Variants in PTPRQ observed in about 807,000 individuals in gnomAD.
The protein encoded by PTPRQ is protein tyrosine phosphatase receptor type Q.
PTPRQ carries 199 observed loss-of-function variants against 246.0 expected under a neutral mutation model. The observed-to-expected ratio is 0.81, with a 90% CI of 0.72 to 0.91. The LOEUF (loss-of-function observed/expected upper bound fraction) is 0.91. Among genes scored for constraint, PTPRQ ranks in the 40% least tolerant of loss-of-function variants. The pLI is 0.00. For synonymous variants in PTPRQ, 869 were observed against 853.2 expected, an observed-to-expected ratio of 1.02 and a Z score of -0.32; for missense variants, 2,624 against 2,528.4, an observed-to-expected ratio of 1.04 and a Z score of -0.81.
chr12:80,675,894 T>G (rs1901121035), intron 43 of PTPRQ, among the ~76,000 whole-genome samples: 1 of 152,194 alleles, frequency 6.6e-6, no homozygotes, highest in Non-Finnish European at 1.5e-5. Flanking sequence ...CTCTTTGAGC[T>G]ATGTCTCTTT....
At chr12:80,454,419 C>CTG (rs1892898689) in intron 3 of PTPRQ, 1 of 467,890 alleles carries the variant, frequency 2.1e-6, no homozygotes, top group African/African-American at 3.2e-5. Context: ...GAGATGAACC[C>CTG]GGTACCTCAG....
intron 8 of PTPRQ, among the ~76,000 whole-genome samples, chr12:80,477,539 G>A (rs1260031221): frequency 2.6e-5 from 4 of 152,130 alleles, no homozygotes; most frequent in Non-Finnish European, 5.9e-5. Context: ...CAAGATGGCC[G>A]AATAGGAACA....
At chr12:80,626,664 G>A (rs977818294) in intron 33 of PTPRQ, among the ~76,000 whole-genome samples, 9 of 152,124 alleles carry the variant, frequency 5.9e-5, no homozygotes, top group East Asian at 1.9e-4. Context: ...CCCAGGCAGC[G>A]TGACCTCAGT....
chr12:80,658,912 G>A (rs17007093), intron 39 of PTPRQ, among the ~76,000 whole-genome samples: 4,119 of 151,860 alleles, frequency 0.027, 174 homozygotes, highest in African/African-American at 0.093. Context: ...GTTATATGAC[G>A]TTCCACCCTT....
intron 39 of PTPRQ, among the ~76,000 whole-genome samples, chr12:80,658,832 A>C (rs1055602574): frequency 2.0e-5 from 3 of 151,934 alleles, no homozygotes; most frequent in African/African-American, 7.2e-5. Flanking sequence ...CACACTCTCC[A>C]TAGGCTTTTT....
At chr12:80,466,836 T>C (rs1037449458) in intron 6 of PTPRQ, among the ~76,000 whole-genome samples, 6 of 151,984 alleles carry the variant, frequency 3.9e-5, no homozygotes, top group South Asian at 2.1e-4. Flanking sequence ...CCCTTCCTTA[T>C]ACCTTATACA....
chr12:80,462,916 A>G (rs375222719), intron 6 of PTPRQ: 15,026 of 85,992 alleles, frequency 0.17, 671 homozygotes, highest in African/African-American at 0.22. Context: ...AAAGATGGGG[A>G]AAAAACAGAG....
chr12:80,588,162 A>T lies in PTPRQ; in HGVS notation c.4319A>T (p.Asp1440Val). ...PSVPTNIAFS[D>V]VQSTSATLTW... ...GTTCCCACAAATATTGCTTTTTCTG[A>T]TGTTCAGTCAACTAGTGCAACATTG... is the stretch of plus-strand genomic sequence containing the variant. The change falls in exon 26 of 45, where the codon GAT becomes GTT. Residue 1440 changes from aspartate to valine, a missense_variant. By Grantham distance (152) the Asp-to-Val change is radical. Transcript: ENST00000644991. The T allele has an allele frequency of 6.5e-7, 1 of 1,531,296 alleles. No individual in the cohort carries two copies. Among genetic ancestry groups the T allele is most frequent in the Non-Finnish European group, 8.8e-7 (1 of 1,136,826 alleles). The allele number at this position is 1,531,296 out of a possible 1,614,324, so 94.9% of individuals were successfully genotyped here.
intron 37 of PTPRQ, 126 bp downstream of exon 37, chr12:80,649,795 C>T: frequency 7.5e-7 from 1 of 1,330,308 alleles, no homozygotes; most frequent in Non-Finnish European, 9.9e-7. Context: ...ACCCAATTAC[C>T]AGGTTGATTG....
chr12:80,508,066 G>A lies in PTPRQ; in HGVS notation c.2557+1396G>A, dbSNP rs1355844591. On this transcript the variant is annotated intron_variant, in intron 16 of 44. Transcript: ENST00000644991. Reference sequence around the variant, plus strand: ...AGCAGGCAGACGTTTTACCACTCAAGTCAATAGTTCCAAAGTATGTTGTGC... The same window carrying A: ...AGCAGGCAGACGTTTTACCACTCAAATCAATAGTTCCAAAGTATGTTGTGC... Among the ~76,000 whole-genome samples the A allele has an allele frequency of 1.3e-5, 2 of 151,924 alleles. 1 individual carries two copies. The highest frequency in any genetic ancestry group is 1.3e-4 in the Admixed American group (2 of 15,206).
At chr12:80,507,944 A>G (rs981773178) in intron 16 of PTPRQ, among the ~76,000 whole-genome samples, 3 of 152,002 alleles carry the variant, frequency 2.0e-5, no homozygotes, top group African/African-American at 7.2e-5. Flanking sequence ...TGAAAATAGT[A>G]CCCACTTCTT....
chr12:80,466,267 G>T (rs969232627), intron 6 of PTPRQ, among the ~76,000 whole-genome samples: 17 of 152,172 alleles, frequency 1.1e-4, no homozygotes, highest in Non-Finnish European at 2.2e-4. Flanking sequence ...TTGCTTCAAA[G>T]AGAATAAAAT....
At chr12:80,489,882 G>A (rs1464910547) in intron 9 of PTPRQ, among the ~76,000 whole-genome samples, 1 of 151,912 alleles carries the variant, frequency 6.6e-6, no homozygotes, top group Non-Finnish European at 1.5e-5. Flanking sequence ...TTCTCCAACA[G>A]ACATATTGCT....
intron 17 of PTPRQ, among the ~76,000 whole-genome samples, chr12:80,514,408 T>A (rs1474857739): frequency 3.2e-4 from 19 of 59,346 alleles, no homozygotes; most frequent in South Asian, 7.0e-4. Flanking sequence ...ACACACTCTC[T>A]CTCTCTCTCT....
At chr12:80,669,191 C>G in intron 40 of PTPRQ, 50 bp downstream of exon 40, 2 of 1,535,884 alleles carry the variant, frequency 1.3e-6, no homozygotes, top group South Asian at 2.4e-5. Context: ...ATTGTGTTAA[C>G]ATATGTGTGA....
chr12:80,552,990 G>T (rs544154491), intron 25 of PTPRQ, among the ~76,000 whole-genome samples: 82 of 151,820 alleles, frequency 5.4e-4, no homozygotes, highest in African/African-American at 2.0e-3. Context: ...CATTTCCACC[G>T]CAAACTCTTT....
intron 29 of PTPRQ, 35 bp from the exon 30 acceptor site, chr12:80,616,165 A>G: frequency 7.0e-7 from 1 of 1,429,362 alleles, no homozygotes. Context: ...ATAAGCAATC[A>G]CTTGAAAATA....
chr12:80,511,989 A>G (rs10862158), intron 17 of PTPRQ, among the ~76,000 whole-genome samples: 36,825 of 152,146 alleles, frequency 0.24, 5,023 homozygotes, highest in African/African-American at 0.35. Flanking sequence ...AGGCTATTTT[A>G]GTAGTCTGGG....
chr12:80,641,071 G>A (rs1421290912), intron 35 of PTPRQ, among the ~76,000 whole-genome samples: 1 of 152,146 alleles, frequency 6.6e-6, no homozygotes, highest in East Asian at 1.9e-4. Context: ...GACATTTCTT[G>A]TTCCCTGACT....
Sources: gnomAD v4.1 joint callset for allele counts (sites outside exome capture counted in the v4.1 genomes callset) on GRCh38, gnomAD v4.1.1 for gene constraint, MANE v1.5 for transcripts, NCBI Gene and HGNC (gene_info 2026-07-23, HGNC 2026-07-21) for gene names.